Variants in PPP1CB observed in about 807,000 individuals in gnomAD.
PPP1CB encodes the protein serine/threonine-protein phosphatase PP1-beta catalytic subunit.
Under a neutral mutation model 43.7 loss-of-function variants are expected in PPP1CB, and 2 were observed. That is an observed-to-expected ratio of 0.05 (90% CI 0.02 to 0.14). The LOEUF (loss-of-function observed/expected upper bound fraction) is 0.14. Among genes scored for constraint, PPP1CB ranks in the 10% least tolerant of loss-of-function variants. The pLI, the probability that PPP1CB is intolerant of heterozygous loss-of-function variation, is 1.00. For synonymous variants in PPP1CB, 136 were observed against 135.6 expected, an observed-to-expected ratio of 1.00 and a Z score of -0.02; for missense variants, 84 against 398.0, an observed-to-expected ratio of 0.21 and a Z score of 6.71.
At chr2:28,775,398 C>T (rs960157918) in intron 1 of PPP1CB, among the ~76,000 whole-genome samples, 3 of 152,178 alleles carry the variant, frequency 2.0e-5, no homozygotes, top group South Asian at 2.1e-4. Flanking sequence ...TGTGAGCCAC[C>T]GTGCCCGGCC....
intron 6 of PPP1CB, 35 bp from the exon 7 acceptor site, chr2:28,793,828 A>G (rs750206948): frequency 6.2e-6 from 10 of 1,611,996 alleles, no homozygotes; most frequent in Non-Finnish European, 8.5e-6. Flanking sequence ...TTACCCACCA[A>G]TAAATGTTTT....
intron 3 of PPP1CB, among the ~76,000 whole-genome samples, chr2:28,780,052 C>CTTTCTTT (rs72249095): frequency 6.7e-6 from 1 of 150,202 alleles, no homozygotes; most frequent in African/African-American, 2.5e-5. Context: ...TGAAAATAGC[C>CTTTCTTT]TTTCTTTTTT....
chr2:28,778,694 G>A, intron 2 of PPP1CB, 115 bp from the exon 3 acceptor site: 1 of 651,088 alleles, frequency 1.5e-6, no homozygotes, highest in Non-Finnish European at 2.7e-6. Flanking sequence ...ACCAAATATA[G>A]CCCATACTCA....
chr2:28,791,326 TTG>T (rs1454417007), intron 6 of PPP1CB, among the ~76,000 whole-genome samples: 13 of 151,860 alleles, frequency 8.6e-5, no homozygotes, highest in African/African-American at 1.9e-4. Flanking sequence ...TAGTTTTTTG[TTG>T]TTGTTGTTTG....
rs1036035256 is a variant in PPP1CB at position 28,799,857 on chromosome 2, C to A, written c.*554C>A. 1 of 152,150 alleles carries A rather than the reference C, an allele frequency of 6.6e-6. No individual in the cohort carries two copies. Among genetic ancestry groups the A allele is most frequent in the Non-Finnish European group, 1.5e-5 (1 of 67,892 alleles). 9.4% of individuals were successfully genotyped at this position (152,150 alleles called of 1,614,324 possible). ...TGTTTAATCTTACTAAGAAAACTTTCGCCTCATTACATTAAAAAGGAATTT... is the reference window on the plus strand; with the variant it reads ...TGTTTAATCTTACTAAGAAAACTTTAGCCTCATTACATTAAAAAGGAATTT... On this transcript the variant is annotated 3_prime_UTR_variant, in exon 8 of 8. Coordinates refer to ENST00000395366, the MANE Select transcript of PPP1CB (RefSeq NM_002709.3).
In PPP1CB at chr2:28,776,834, T is replaced by C. The variant is rs770933758; in HGVS notation, c.53-17T>C. ...GTAAATTTTAGAAAACTGACTGTTT[T>C]ATTTATCGTTTGTCAGTACGAGGAT... On this transcript the variant is annotated splice_polypyrimidine_tract_variant and intron_variant, in intron 1 of 7. Coordinates refer to ENST00000395366, the MANE Select transcript of PPP1CB (RefSeq NM_002709.3). 1 of 1,584,612 alleles carries C rather than the reference T, an allele frequency of 6.3e-7. No individual in the cohort carries two copies. The highest frequency in any genetic ancestry group is 1.7e-5 in the Admixed American group (1 of 58,280).
rs893021115 is a variant in PPP1CB, at chr2:28,801,586, T to C, written c.*2283T>C. The stretch of plus-strand genomic sequence containing the variant: ...TAAACAGCCTCCAGTCATAAAAATG[T>C]GTTCTTTACAAATATTTGCTTGGCA... On this transcript the variant is annotated 3_prime_UTR_variant, in exon 8 of 8. Coordinates refer to ENST00000395366, the MANE Select transcript of PPP1CB (RefSeq NM_002709.3). 6.6e-6 allele frequency: 1 copy of C among 152,166 alleles called. No individual in the cohort carries two copies. The highest frequency in any genetic ancestry group is 1.5e-5 in the Non-Finnish European group (1 of 68,004). The allele number at this position is 152,166 out of a possible 1,614,324, so 9.4% of individuals were successfully genotyped here. A position where few individuals can be genotyped will look rare whatever the true frequency, so the allele number is the denominator to read the frequency against.
At position 28,752,080 on chromosome 2, in the gene PPP1CB, A is replaced by G. The variant is rs1470375789; in HGVS notation, c.-45A>G. ...CGTCGCCGCAGCCTCCGCCGCCGAG[A>G]AGCCCTTGTTCCCGCTGCTGGGAAG... On this transcript the variant is annotated 5_prime_UTR_variant, in exon 1 of 8. Coordinates refer to ENST00000395366, the MANE Select transcript of PPP1CB (RefSeq NM_002709.3). 1.3e-6 allele frequency: 2 copies of G among 1,543,296 alleles called. No individual in the cohort carries two copies. Among genetic ancestry groups the G allele is most frequent in the African/African-American group, 2.8e-5 (2 of 72,610 alleles).
chr2:28,767,807 T>C (rs1279896695), intron 1 of PPP1CB, among the ~76,000 whole-genome samples: 1 of 152,206 alleles, frequency 6.6e-6, no homozygotes, highest in African/African-American at 2.4e-5. Context: ...TGTAAAAAAT[T>C]ATTCTTAGGC....
intron 1 of PPP1CB, among the ~76,000 whole-genome samples, chr2:28,765,789 C>G (rs1236631365): frequency 6.6e-6 from 1 of 152,134 alleles, no homozygotes; most frequent in African/African-American, 2.4e-5. Flanking sequence ...TGGCATGTGC[C>G]TATAGTCCCA....
At chr2:28,755,153 G>A (rs974648114) in intron 1 of PPP1CB, among the ~76,000 whole-genome samples, 1 of 152,052 alleles carries the variant, frequency 6.6e-6, no homozygotes, top group Non-Finnish European at 1.5e-5. Flanking sequence ...AGGTCCAAGC[G>A]ATTATTCTGC....
intron 7 of PPP1CB, 86 bp from the exon 8 acceptor site, chr2:28,799,113 C>A: frequency 1.1e-6 from 1 of 911,136 alleles, no homozygotes; most frequent in Non-Finnish European, 1.7e-6. Context: ...GCAGTTTATG[C>A]CATTTATTGA....
chr2:28,762,306 G>C (rs1666674566), intron 1 of PPP1CB, among the ~76,000 whole-genome samples: 1 of 152,074 alleles, frequency 6.6e-6, no homozygotes, highest in East Asian at 1.9e-4. Context: ...ATAAATATCT[G>C]TTCTTTAAGT....
intron 1 of PPP1CB, among the ~76,000 whole-genome samples, chr2:28,773,578 A>C (rs948506370): frequency 6.6e-6 from 1 of 152,256 alleles, no homozygotes; most frequent in African/African-American, 2.4e-5. Flanking sequence ...ATAATCCAGC[A>C]GCGTTCAGAT....
At chr2:28,767,729 A>G (rs1436245804) in intron 1 of PPP1CB, among the ~76,000 whole-genome samples, 2 of 152,192 alleles carry the variant, frequency 1.3e-5, no homozygotes, top group Admixed American at 6.5e-5. Context: ...CCAAAATTTG[A>G]GTTTCATATA....
Position 28,799,359 on chromosome 2 carries a change from T to C in PPP1CB, c.*56T>C, listed in dbSNP as rs1667560071. 1 of 1,386,990 alleles carries C rather than the reference T, an allele frequency of 7.2e-7. No homozygotes were observed. Among genetic ancestry groups the C allele is most frequent in the Non-Finnish European group, 1.0e-6 (1 of 977,774 alleles). The allele number at this position is 1,386,990 out of a possible 1,614,324, so 85.9% of individuals were successfully genotyped here. A position where few individuals can be genotyped will look rare whatever the true frequency, so the allele number is the denominator to read the frequency against. On this transcript the variant is annotated 3_prime_UTR_variant, in exon 8 of 8. Coordinates refer to ENST00000395366, the MANE Select transcript of PPP1CB (RefSeq NM_002709.3). The stretch of plus-strand genomic sequence containing the variant: ...TTTGTTAAGGACATACTTCATAATA[T>C]ATAAGTGTGCACTGTAAAACCATCC...
At chr2:28,784,131 A>C (rs949244814) in intron 5 of PPP1CB, among the ~76,000 whole-genome samples, 153 bp downstream of exon 5, 2 of 152,234 alleles carry the variant, frequency 1.3e-5, no homozygotes, top group Admixed American at 6.5e-5. Context: ...ATTTGCAGTA[A>C]TACACAATTT....
At chr2:28,782,082 A>C in intron 4 of PPP1CB, 1 of 456,690 alleles carries the variant, frequency 2.2e-6, no homozygotes, top group South Asian at 2.6e-5. Context: ...TTGTTTGAGA[A>C]AGTCTCCTTT....
rs13035494 is a variant in PPP1CB, at chr2:28,797,982, T to C, written c.880-1217T>C. 3.3e-3 allele frequency among the ~76,000 whole-genome samples: 495 copies of C among 152,282 alleles called. 4 individuals carry two copies. The highest frequency in any genetic ancestry group is 5.7e-3 in the Non-Finnish European group (386 of 67,982). ...TCTTTATCATAATATACTGTTTCCATCAATTAGTACAATTGAATGGTAAAT... is the reference window on the plus strand; with the variant it reads ...TCTTTATCATAATATACTGTTTCCACCAATTAGTACAATTGAATGGTAAAT... On this transcript the variant is annotated intron_variant, in intron 7 of 7. Coordinates refer to ENST00000395366, the MANE Select transcript of PPP1CB (RefSeq NM_002709.3).
Sources: gnomAD v4.1 joint callset for allele counts (sites outside exome capture counted in the v4.1 genomes callset) on GRCh38, gnomAD v4.1.1 for gene constraint, MANE v1.5 for transcripts, NCBI Gene and HGNC (gene_info 2026-07-23, HGNC 2026-07-21) for gene names.